HERC3: variants seen among roughly 807,000 people sequenced by gnomAD.
The protein encoded by HERC3 is HECT and RLD domain containing E3 ubiquitin protein ligase 3.
Under a neutral mutation model 129.9 loss-of-function variants are expected in HERC3, and 58 were observed. The observed-to-expected ratio is 0.45, with a 90% CI of 0.36 to 0.56. The LOEUF (loss-of-function observed/expected upper bound fraction) is 0.56, where lower values mean the gene tolerates loss of function less well. HERC3 is among the 20% of genes least tolerant of loss of function. HERC3 has a pLI of 0.00. For synonymous variants in HERC3, 430 were observed against 451.0 expected (o/e 0.95, Z 0.59); for missense variants, 835 against 1,244.2 (o/e 0.67, Z 4.95).
intron 23 of HERC3, 126 bp from the exon 24 acceptor site, chr4:88,703,972 A>T (rs1157329735): frequency 2.4e-6 from 2 of 828,856 alleles, no homozygotes; most frequent in East Asian, 2.4e-5. Context: ...ATGCCTTAGG[A>T]TGCCTCCTGA....
the HERC3 span, among the ~76,000 whole-genome samples, chr4:88,539,510 G>A: frequency 1.3e-5 from 2 of 152,206 alleles, no homozygotes; most frequent in African/African-American, 2.4e-5. Context: ...TGAACAAAAG[G>A]CAGCAGACAA....
At chr4:88,627,507 A>G (rs554040012) in intron 3 of HERC3, among the ~76,000 whole-genome samples, 14 of 152,302 alleles carry the variant, frequency 9.2e-5, no homozygotes, top group Admixed American at 3.3e-4. Context: ...TTATATAAGG[A>G]ATTTGAGCAT....
intron 3 of HERC3, among the ~76,000 whole-genome samples, chr4:88,640,505 A>G (rs1239417924): frequency 2.0e-5 from 3 of 152,214 alleles, no homozygotes; most frequent in African/African-American, 2.4e-5. Flanking sequence ...GTTCTCACTC[A>G]TAAGTGGGAG....
intron 23 of HERC3, among the ~76,000 whole-genome samples, chr4:88,699,762 A>G (rs936902993): frequency 2.0e-5 from 3 of 152,176 alleles, no homozygotes; most frequent in East Asian, 3.9e-4. Context: ...GGGCATGTTC[A>G]TCTTTCAAGA....
At chr4:88,590,219 G>A (rs984166465), upstream of HERC3, among the ~76,000 whole-genome samples, 17 of 151,788 alleles carry the variant, frequency 1.1e-4, no homozygotes, top group Non-Finnish European at 2.4e-4. Context: ...AGTGAGCAGA[G>A]ATCGCGCCAC....
intron 3 of HERC3, among the ~76,000 whole-genome samples, chr4:88,619,445 A>C (rs114788438): frequency 6.6e-6 from 1 of 152,238 alleles, no homozygotes; most frequent in African/African-American, 2.4e-5. Flanking sequence ...ATACAGAACT[A>C]GACTCCCTAC....
chr4:88,590,119 T>C (rs550504981), upstream of HERC3, among the ~76,000 whole-genome samples: 7 of 151,020 alleles, frequency 4.6e-5, no homozygotes, highest in Non-Finnish European at 8.8e-5. Context: ...AGTACAAAAA[T>C]GAGCCGGGTG....
chr4:88,672,453 T>A (rs532648892), intron 16 of HERC3, among the ~76,000 whole-genome samples: 1 of 152,244 alleles, frequency 6.6e-6, no homozygotes, highest in Non-Finnish European at 1.5e-5. Context: ...GGTACAATGC[T>A]ATTAGAAATT....
At chr4:88,550,904 C>T in the HERC3 span, among the ~76,000 whole-genome samples, 1 of 151,544 alleles carries the variant, frequency 6.6e-6, no homozygotes, top group Non-Finnish European at 1.5e-5. Context: ...GCTACAGTAA[C>T]CAAAACAGCA....
At chr4:88,689,846 G>A (rs1398910406) in intron 23 of HERC3, 1 of 263,614 alleles carries the variant, frequency 3.8e-6, no homozygotes, top group East Asian at 1.8e-4. Flanking sequence ...CCAAAGTGCT[G>A]GGATTACAGG....
the HERC3 span, among the ~76,000 whole-genome samples, chr4:88,581,536 C>A: frequency 4.0e-3 from 613 of 151,914 alleles, 4 homozygotes; most frequent in African/African-American, 0.014. Context: ...GAACTCCTGA[C>A]CTCAGGTGAT....
At chr4:88,595,653 T>G (rs1722282467) in intron 2 of HERC3, 39 bp downstream of exon 2, 1 of 152,140 alleles carries the variant, frequency 6.6e-6, no homozygotes, top group Non-Finnish European at 1.5e-5. Flanking sequence ...GTTTTTCATC[T>G]TGTAAATGGA....
chr4:88,682,577 G>GT (rs1578308960), intron 21 of HERC3, among the ~76,000 whole-genome samples: 1 of 150,380 alleles, frequency 6.6e-6, no homozygotes, highest in Non-Finnish European at 1.5e-5. Flanking sequence ...GCAGTGTTTG[G>GT]TTTTTTGTCC....
At chr4:88,568,719 G>T in the HERC3 span, among the ~76,000 whole-genome samples, 1 of 151,912 alleles carries the variant, frequency 6.6e-6, no homozygotes, top group Non-Finnish European at 1.5e-5. Flanking sequence ...AAGTCAGTGG[G>T]TTGTCTTTTG....
At chr4:88,637,374 C>T (rs995151963) in intron 3 of HERC3, among the ~76,000 whole-genome samples, 3 of 150,508 alleles carry the variant, frequency 2.0e-5, no homozygotes, top group South Asian at 2.1e-4. Flanking sequence ...TGCAGTGAGC[C>T]GAGATCGCGC....
intron 3 of HERC3, among the ~76,000 whole-genome samples, chr4:88,628,767 A>ACTGTATGTTTATACTATTCC (rs1726418511): frequency 6.6e-6 from 1 of 152,224 alleles, no homozygotes; most frequent in Non-Finnish European, 1.5e-5. Flanking sequence ...ATAGTATAAA[A>ACTGTATGTTTATACTATTCC]CAATCTGCAG....
chr4:88,703,543 C>T (rs548244130), intron 23 of HERC3, among the ~76,000 whole-genome samples: 1 of 152,186 alleles, frequency 6.6e-6, no homozygotes, highest in African/African-American at 2.4e-5. Context: ...ACAATTCACT[C>T]GTCTTCATTT....
At chr4:88,539,933 G>A in the HERC3 span, among the ~76,000 whole-genome samples, 1 of 152,124 alleles carries the variant, frequency 6.6e-6, no homozygotes, top group African/African-American at 2.4e-5. Context: ...TCTATCTGTA[G>A]GTCACCAACA....
At chr4:88,531,940 A>C in the HERC3 span, among the ~76,000 whole-genome samples, 1 of 152,126 alleles carries the variant, frequency 6.6e-6, no homozygotes. Flanking sequence ...TTAGCTTAAC[A>C]CCAAAACTCC....
Sources: gnomAD v4.1 joint callset for allele counts (sites outside exome capture counted in the v4.1 genomes callset) on GRCh38, gnomAD v4.1.1 for gene constraint, MANE v1.5 for transcripts, NCBI Gene and HGNC (gene_info 2026-07-23, HGNC 2026-07-21) for gene names.